RABL2B: variants seen among roughly 807,000 people sequenced by gnomAD.
RABL2B encodes the protein RAB, member of RAS oncogene family like 2B, also known as rab-like protein 2B.
Under a neutral mutation model 26.7 loss-of-function variants are expected in RABL2B, and 17 were observed. The observed-to-expected ratio is 0.64, with a 90% CI of 0.44 to 0.95. The LOEUF is 0.95. Among genes scored for constraint, RABL2B ranks in the 40% least tolerant of loss-of-function variants. The pLI is 0.00. For synonymous variants in RABL2B, 70 were observed against 103.9 expected (o/e 0.67, Z 1.99); for missense variants, 170 against 277.2 (o/e 0.61, Z 2.75).
At chr22:50,781,402 G>A (rs2085854388) in intron 2 of RABL2B, among the ~76,000 whole-genome samples, 2 of 141,798 alleles carry the variant, frequency 1.4e-5, no homozygotes, top group East Asian at 4.0e-4. Flanking sequence ...TGGTGGGGAA[G>A]AGAGAGAGAG....
chr22:50,780,012 G>C (rs1332796050), intron 2 of RABL2B, among the ~76,000 whole-genome samples: 1 of 152,078 alleles, frequency 6.6e-6, no homozygotes, highest in Admixed American at 6.5e-5. Context: ...TTGTTATTAA[G>C]CAGTATGATC....
intron 5 of RABL2B, chr22:50,773,127 AG>A (rs1199582891): frequency 1.6e-6 from 2 of 1,271,596 alleles, no homozygotes; most frequent in Non-Finnish European, 2.1e-6. Flanking sequence ...AGAAAAAGAG[AG>A]GTGAGCTCAA....
At chr22:50,776,233 G>A (rs1252444190) in intron 4 of RABL2B, among the ~76,000 whole-genome samples, 2 of 152,206 alleles carry the variant, frequency 1.3e-5, no homozygotes, top group Non-Finnish European at 2.9e-5. Flanking sequence ...GGCAGGCTGT[G>A]TGCCCGGCCA....
chr22:50,778,046 C>T (rs1239777625), intron 2 of RABL2B, 65 bp from the exon 3 acceptor site: 1 of 1,613,260 alleles, frequency 6.2e-7, no homozygotes, highest in Non-Finnish European at 8.5e-7. Context: ...CAGACTTTTT[C>T]ACCCTAAGGC....
rs1311280477 is a variant in RABL2B at position 50,767,854 on chromosome 22, C to T, written c.*922G>A. On this transcript the variant is annotated 3_prime_UTR_variant, in exon 9 of 9. Transcript: ENST00000691320. ...TTCCTAACTATAGCTAGGCCTGTCACCTGCTGTTCCTGTGATCTCAGCTTT... is the reference window on the plus strand; with the variant it reads ...TTCCTAACTATAGCTAGGCCTGTCATCTGCTGTTCCTGTGATCTCAGCTTT... The T allele has an allele frequency of 7.4e-6, 3 of 407,064 alleles. No individual in the cohort carries two copies. Among genetic ancestry groups the T allele is most frequent in the Non-Finnish European group, 1.4e-5 (3 of 208,256 alleles). The allele number at this position is 407,064 out of a possible 1,614,324, so 25.2% of individuals were successfully genotyped here.
rs1335728365 is a variant in RABL2B at position 50,777,388 on chromosome 22, C to A, written c.137+564G>T. 2.1e-5 allele frequency among the ~76,000 whole-genome samples: 3 copies of A among 146,166 alleles called. No homozygotes were observed. The East Asian group carries it at 5.9e-4, about 29-fold the overall frequency. On this transcript the variant is annotated intron_variant, in intron 3 of 8. Coordinates refer to ENST00000691320, the MANE Select transcript of RABL2B (RefSeq NM_001130919.3). ...GCAACTGAGCCTTGGGGTGCCGAGCCTAGGACAGGCAGCAGCAGGCTCCAG... is the reference window on the plus strand; with the variant it reads ...GCAACTGAGCCTTGGGGTGCCGAGCATAGGACAGGCAGCAGCAGGCTCCAG...
At position 50,773,081 on chromosome 22, in the gene RABL2B, G is replaced by A. The variant is rs560441225; in HGVS notation, c.297+2691C>T. ...AGAAGAGGGTCTGAGGGGAGCCCAC[G>A]GAGATGCAGCAGATGCAGGAAGCAG... On this transcript the variant is annotated intron_variant, in intron 5 of 8. Transcript: ENST00000691320. The A allele has an allele frequency of 2.7e-5, 34 of 1,260,024 alleles. 1 individual carries two copies. The highest frequency in any genetic ancestry group is 2.3e-4 in the South Asian group (18 of 79,900). The allele number at this position is 1,260,024 out of a possible 1,614,324, so 78.1% of individuals were successfully genotyped here. A position where few individuals can be genotyped will look rare whatever the true frequency, so the allele number is the denominator to read the frequency against.
At chr22:50,781,227 C>G (rs1555928640) in intron 2 of RABL2B, among the ~76,000 whole-genome samples, 1 of 151,690 alleles carries the variant, frequency 6.6e-6, no homozygotes, top group African/African-American at 2.4e-5. Context: ...GCCTGTAGTC[C>G]TAGCTACTCG....
chr22:50,777,723 C>G (rs1345956140), intron 3 of RABL2B: 5 of 643,516 alleles, frequency 7.8e-6, no homozygotes, highest in Admixed American at 6.6e-5. Context: ...CTACTGCCCT[C>G]TTAATATAAA....
chr22:50,769,397 G>C, intron 7 of RABL2B, 58 bp downstream of exon 7: 1 of 1,611,184 alleles, frequency 6.2e-7, no homozygotes, highest in Non-Finnish European at 8.5e-7. Context: ...TCTCTTCACA[G>C]CTTCCCTTTA....
At chr22:50,778,079 G>C in intron 2 of RABL2B, 98 bp from the exon 3 acceptor site, 1 of 1,561,780 alleles carries the variant, frequency 6.4e-7, no homozygotes, top group Admixed American at 1.7e-5. Context: ...AGCCACCTGT[G>C]GCTTCCCTTC....
At chr22:50,781,327 G>C (rs1291060842) in intron 2 of RABL2B, among the ~76,000 whole-genome samples, 1 of 143,806 alleles carries the variant, frequency 7.0e-6, no homozygotes, top group Non-Finnish European at 1.5e-5. Flanking sequence ...CTGGGGGACA[G>C]AGCGAGACTC....
chr22:50,770,186 C>T, intron 5 of RABL2B, 170 bp from the exon 6 acceptor site: 1 of 821,576 alleles, frequency 1.2e-6, no homozygotes, highest in South Asian at 1.8e-5. Context: ...CTCAGGGAAG[C>T]CCCCTGGAGC....
At chr22:50,779,450 G>A (rs1402527397) in intron 2 of RABL2B, among the ~76,000 whole-genome samples, 1 of 151,782 alleles carries the variant, frequency 6.6e-6, no homozygotes, top group Non-Finnish European at 1.5e-5. Flanking sequence ...GAGAGCTTGG[G>A]ACCCAGGGAG....
chr22:50,781,268 C>T (rs1310965060), intron 2 of RABL2B, among the ~76,000 whole-genome samples: 7 of 147,604 alleles, frequency 4.7e-5, no homozygotes, highest in East Asian at 2.1e-4. Flanking sequence ...GGCGTGAACC[C>T]GGGAGGCGGA....
chr22:50,782,655 C>G (rs1222733656), intron 1 of RABL2B: 1 of 307,778 alleles, frequency 3.2e-6, no homozygotes, highest in African/African-American at 2.2e-5. Context: ...TCTCCTCACA[C>G]CTAAATATGA....
chr22:50,770,077 C>T, intron 5 of RABL2B, 61 bp from the exon 6 acceptor site: 3 of 1,602,102 alleles, frequency 1.9e-6, no homozygotes, highest in Non-Finnish European at 1.7e-6. Context: ...ACCCCATCTC[C>T]AGGTGACTCA....
At chr22:50,779,239 T>C (rs1416038578) in intron 2 of RABL2B, among the ~76,000 whole-genome samples, 1 of 151,574 alleles carries the variant, frequency 6.6e-6, no homozygotes, top group African/African-American at 2.4e-5. Context: ...AGAGACTCAT[T>C]CCCTCCCAAC....
chr22:50,774,469 G>A (rs1465593765), intron 5 of RABL2B, among the ~76,000 whole-genome samples: 6 of 149,946 alleles, frequency 4.0e-5, no homozygotes, highest in Admixed American at 1.3e-4. Context: ...GAAGAAACAC[G>A]GGGAGTAGAA....
Sources: allele counts gnomAD v4.1 joint callset (sites outside exome capture counted in the v4.1 genomes callset), GRCh38; gene constraint gnomAD v4.1.1; transcripts MANE v1.5; gene names NCBI Gene and HGNC (gene_info 2026-07-23, HGNC 2026-07-21).